Variants in TASP1 observed in about 807,000 individuals in gnomAD.
The protein encoded by TASP1 is threonine aspartase 1.
A neutral mutation model predicts 56.6 loss-of-function variants in TASP1; 16 were observed. The ratio of observed to expected loss-of-function variants is 0.28; its 90% CI spans 0.19 to 0.43. The LOEUF is 0.43. TASP1 is among the 20% of genes least tolerant of loss of function. The pLI is 1.00. For synonymous variants in TASP1, 179 were observed against 184.2 expected (o/e 0.97, Z 0.23); for missense variants, 393 against 511.6 (o/e 0.77, Z 2.24).
At chr20:13,543,920 G>T (rs2045712647) in intron 8 of TASP1, among the ~76,000 whole-genome samples, 1 of 152,074 alleles carries the variant, frequency 6.6e-6, no homozygotes, top group South Asian at 2.1e-4. Context: ...TTCATATTTA[G>T]ATCTTCCCTA....
the TASP1 span, among the ~76,000 whole-genome samples, chr20:13,243,085 A>C: frequency 5.3e-5 from 8 of 152,198 alleles, no homozygotes; most frequent in Admixed American, 1.3e-4. Context: ...ACCAGAGTCC[A>C]TGCTTTTAAT....
chr20:13,124,788 T>C, the TASP1 span, among the ~76,000 whole-genome samples: 1 of 152,074 alleles, frequency 6.6e-6, no homozygotes, highest in Non-Finnish European at 1.5e-5. Context: ...CTAAGAGAGA[T>C]GGAAAAGTGA....
At position 13,587,504 on chromosome 20, in the gene TASP1, C is replaced by T. The variant is rs887942083; in HGVS notation, c.283-134G>A. ...CACATAGTATGATGCCAATACCACC[C>T]TGATGTTAAAACATGACAAAGATAT... On this transcript the variant is annotated intron_variant, in intron 4 of 13. Coordinates refer to ENST00000337743, the MANE Select transcript of TASP1 (RefSeq NM_017714.3). 10 of 638,954 alleles carry T rather than the reference C, an allele frequency of 1.6e-5. No homozygotes were observed. In the East Asian group the frequency reaches 3.0e-4, roughly 19 times the overall value. 39.6% of individuals were successfully genotyped at this position (638,954 alleles called of 1,614,324 possible).
At chr20:13,400,868 A>T (rs757388351) in intron 13 of TASP1, among the ~76,000 whole-genome samples, 3 of 152,242 alleles carry the variant, frequency 2.0e-5, no homozygotes, top group Non-Finnish European at 4.4e-5. Flanking sequence ...TCTAATCCTT[A>T]GGATTAAACA....
rs904657689 is a variant in TASP1 at position 13,573,489 on chromosome 20, A to T, written c.489-3903T>A. On this transcript the variant is annotated intron_variant, in intron 6 of 13. Transcript: ENST00000337743. ...ATATTAAGGTGTTTTGTTATAGTAG[A>T]AACTCTCTAGAGTTCACTGTCTAAA... Among the ~76,000 whole-genome samples the T allele has an allele frequency of 2.0e-5, 3 of 152,364 alleles. No homozygotes were observed. In the South Asian group the frequency reaches 6.2e-4, roughly 32 times the overall value.
the TASP1 span, among the ~76,000 whole-genome samples, chr20:13,241,628 A>G: frequency 2.0e-5 from 3 of 152,144 alleles, no homozygotes; most frequent in Non-Finnish European, 4.4e-5. Flanking sequence ...TCCATCAGTG[A>G]AATATGAAGT....
intron 13 of TASP1, among the ~76,000 whole-genome samples, chr20:13,391,763 A>C (rs553696284): frequency 6.5e-4 from 98 of 151,926 alleles, no homozygotes; most frequent in African/African-American, 2.2e-3. Context: ...GTCAGGAGAT[A>C]GAGACCATCC....
intron 11 of TASP1, among the ~76,000 whole-genome samples, chr20:13,459,584 A>T (rs114258166): frequency 6.6e-6 from 1 of 152,132 alleles, no homozygotes. Flanking sequence ...ACTATCTTCA[A>T]TTTGGACCCT....
chr20:13,337,013 G>A, the TASP1 span, among the ~76,000 whole-genome samples: 1 of 152,190 alleles, frequency 6.6e-6, no homozygotes, highest in African/African-American at 2.4e-5. Flanking sequence ...ATGTTTCCAA[G>A]GGAATCCATG....
chr20:13,221,351 T>C, the TASP1 span, among the ~76,000 whole-genome samples: 3 of 142,680 alleles, frequency 2.1e-5, no homozygotes, highest in East Asian at 6.9e-4. Context: ...GGGGCGCCCA[T>C]GTGCGCTCGG....
At chr20:13,464,842 T>C in intron 11 of TASP1, among the ~76,000 whole-genome samples, 1 of 152,072 alleles carries the variant, frequency 6.6e-6, no homozygotes, top group East Asian at 1.9e-4. Flanking sequence ...AATGTGAAGA[T>C]GCTTAACCCT....
In TASP1 at chr20:13,439,144, G is replaced by T. The variant is rs868042276; in HGVS notation, c.986-3990C>A. On this transcript the variant is annotated intron_variant, in intron 11 of 13. Transcript: ENST00000337743. The stretch of plus-strand genomic sequence containing the variant: ...CTAGAAACACCATTTGACCCAGCCA[G>T]CCCATTACTGGGTATACACCCAAAG... Among the ~76,000 whole-genome samples, 3 of 152,154 alleles carry T rather than the reference G, an allele frequency of 2.0e-5. No homozygotes were observed. In the South Asian group the frequency reaches 6.2e-4, roughly 32 times the overall value.
the TASP1 span, among the ~76,000 whole-genome samples, chr20:13,144,337 C>T: frequency 6.6e-6 from 1 of 152,190 alleles, no homozygotes; most frequent in Admixed American, 6.5e-5. Flanking sequence ...TTCCACTGAA[C>T]ACAACAGCCA....
At chr20:13,276,110 A>G in the TASP1 span, among the ~76,000 whole-genome samples, 1 of 152,218 alleles carries the variant, frequency 6.6e-6, no homozygotes, top group Non-Finnish European at 1.5e-5. Flanking sequence ...GGGTAGAATA[A>G]TCTGGATTTA....
At chr20:13,174,022 G>C in the TASP1 span, among the ~76,000 whole-genome samples, 1 of 152,138 alleles carries the variant, frequency 6.6e-6, no homozygotes, top group African/African-American at 2.4e-5. Context: ...CTAGAAGAGA[G>C]AGCCACTAAA....
At chr20:13,549,868 A>G (rs1287334354) in intron 8 of TASP1, among the ~76,000 whole-genome samples, 1 of 152,166 alleles carries the variant, frequency 6.6e-6, no homozygotes, top group Non-Finnish European at 1.5e-5. Flanking sequence ...AAAATTTAGG[A>G]AGAATTTACA....
At chr20:13,604,349 T>C (rs1353722287) in intron 4 of TASP1, among the ~76,000 whole-genome samples, 1 of 152,134 alleles carries the variant, frequency 6.6e-6, no homozygotes, top group Non-Finnish European at 1.5e-5. Context: ...TGAGATCTGG[T>C]TGTTTAAAAG....
chr20:13,328,372 G>A, the TASP1 span, among the ~76,000 whole-genome samples: 1 of 152,192 alleles, frequency 6.6e-6, no homozygotes, highest in Non-Finnish European at 1.5e-5. Flanking sequence ...GTGTAAATTA[G>A]TTCAACCATT....
At chr20:13,308,314 AG>A in the TASP1 span, among the ~76,000 whole-genome samples, 1 of 152,214 alleles carries the variant, frequency 6.6e-6, no homozygotes, top group Admixed American at 6.5e-5. Context: ...GGACCAAATG[AG>A]GGTGTGATTA....
Sources: gnomAD v4.1 joint callset for allele counts (sites outside exome capture counted in the v4.1 genomes callset) on GRCh38, gnomAD v4.1.1 for gene constraint, MANE v1.5 for transcripts, NCBI Gene and HGNC (gene_info 2026-07-23, HGNC 2026-07-21) for gene names.